The following PPARGC1A variants were observed in gnomAD, a reference collection of about 807,000 sequenced individuals.
PPARGC1A encodes PPARG coactivator 1 alpha.
PPARGC1A carries 25 observed loss-of-function variants against 88.7 expected under a neutral mutation model. That is an observed-to-expected ratio of 0.28 (90% CI 0.21 to 0.39). The LOEUF (loss-of-function observed/expected upper bound fraction) is 0.39, where lower values mean the gene tolerates loss of function less well. PPARGC1A is among the 10% of genes least tolerant of loss of function. The pLI is 1.00. For missense variants in PPARGC1A, 880 were observed against 968.7 expected (o/e 0.91, Z 1.22); for synonymous variants, 363 against 355.6 (o/e 1.02, Z -0.24).
chr4:24,126,548 A>G, the PPARGC1A span, among the ~76,000 whole-genome samples: 1 of 152,142 alleles, frequency 6.6e-6, no homozygotes, highest in Non-Finnish European at 1.5e-5. Flanking sequence ...AGTCTCAGAG[A>G]GAGGGAGGCA....
intron 12 of PPARGC1A, among the ~76,000 whole-genome samples, chr4:23,800,386 T>C (rs1267227920): frequency 6.6e-6 from 1 of 152,030 alleles, no homozygotes; most frequent in Non-Finnish European, 1.5e-5. Flanking sequence ...GGAAAGGAAA[T>C]TAAGATGTCC....
the PPARGC1A span, among the ~76,000 whole-genome samples, chr4:24,181,321 T>C: frequency 2.0e-5 from 3 of 152,220 alleles, no homozygotes; most frequent in Non-Finnish European, 2.9e-5. Flanking sequence ...CTAAGTATCT[T>C]GGGTAAATTG....
At chr4:24,372,695 C>T in the PPARGC1A span, among the ~76,000 whole-genome samples, 1 of 152,146 alleles carries the variant, frequency 6.6e-6, no homozygotes. Flanking sequence ...GCTACACAGG[C>T]CTGGTTTTGA....
chr4:24,116,074 G>C, the PPARGC1A span, among the ~76,000 whole-genome samples: 2 of 152,166 alleles, frequency 1.3e-5, no homozygotes, highest in Non-Finnish European at 2.9e-5. Flanking sequence ...TTTTCTGGTA[G>C]AGCACACTTG....
At chr4:24,329,806 A>T in the PPARGC1A span, among the ~76,000 whole-genome samples, 11 of 152,336 alleles carry the variant, frequency 7.2e-5, no homozygotes, top group Non-Finnish European at 1.3e-4. Context: ...AAATGAATGA[A>T]GTAGGTGCAC....
the PPARGC1A span, among the ~76,000 whole-genome samples, chr4:24,462,327 C>T: frequency 5.3e-5 from 8 of 150,926 alleles, no homozygotes; most frequent in African/African-American, 2.0e-4. Flanking sequence ...GAACTCCTGA[C>T]CTCAGGTGAT....
chr4:24,014,772 G>A, the PPARGC1A span, among the ~76,000 whole-genome samples: 8 of 152,090 alleles, frequency 5.3e-5, no homozygotes, highest in Admixed American at 5.2e-4. Flanking sequence ...GCTTTCACCT[G>A]ATTAACTCAG....
chr4:23,982,076 G>A, the PPARGC1A span, among the ~76,000 whole-genome samples: 1 of 152,208 alleles, frequency 6.6e-6, no homozygotes, highest in African/African-American at 2.4e-5. Context: ...CCTGAGTGCT[G>A]AAAAATATAT....
the PPARGC1A span, among the ~76,000 whole-genome samples, chr4:24,024,769 A>C: frequency 1.3e-5 from 2 of 152,240 alleles, no homozygotes; most frequent in South Asian, 2.1e-4. Flanking sequence ...ATTAGTTCAC[A>C]CAACAGCACA....
intron 12 of PPARGC1A, among the ~76,000 whole-genome samples, chr4:23,801,006 A>C (rs1718587606): frequency 6.7e-6 from 1 of 148,900 alleles, no homozygotes; most frequent in East Asian, 2.0e-4. Flanking sequence ...AGTGTGATTT[A>C]GTATATGAAA....
At chr4:24,428,003 TACTCGGGAGGCTG>T in the PPARGC1A span, among the ~76,000 whole-genome samples, 1 of 151,940 alleles carries the variant, frequency 6.6e-6, no homozygotes, top group Non-Finnish European at 1.5e-5. Flanking sequence ...TAGTCCCAGC[TACTCGGGAGGCTG>T]AGGGGTGAGG....
chr4:24,084,862 C>G, the PPARGC1A span, among the ~76,000 whole-genome samples: 1 of 152,116 alleles, frequency 6.6e-6, no homozygotes, highest in Non-Finnish European at 1.5e-5. Context: ...AGAGATGTAA[C>G]AATAGAAGAA....
the PPARGC1A span, among the ~76,000 whole-genome samples, chr4:24,135,773 A>G: frequency 6.6e-6 from 1 of 152,146 alleles, no homozygotes; most frequent in Non-Finnish European, 1.5e-5. Flanking sequence ...TTTGCCTTTC[A>G]AGGGTTTAAT....
the PPARGC1A span, among the ~76,000 whole-genome samples, chr4:24,424,685 A>G: frequency 2.0e-5 from 3 of 152,228 alleles, no homozygotes; most frequent in African/African-American, 7.2e-5. Flanking sequence ...TTAGAATGCC[A>G]TAGTCCCAAG....
At chr4:24,085,791 C>T in the PPARGC1A span, among the ~76,000 whole-genome samples, 28 of 152,296 alleles carry the variant, frequency 1.8e-4, no homozygotes, top group East Asian at 5.4e-3. Context: ...TCCCTATTCC[C>T]CTCGCTCCAG....
chr4:24,004,176 C>G, the PPARGC1A span, among the ~76,000 whole-genome samples: 5 of 152,106 alleles, frequency 3.3e-5, no homozygotes, highest in Non-Finnish European at 5.9e-5. Flanking sequence ...ATTAAGAAAG[C>G]CCAAACTCGA....
the PPARGC1A span, among the ~76,000 whole-genome samples, chr4:24,438,725 G>C: frequency 1.3e-5 from 2 of 152,054 alleles, no homozygotes; most frequent in Non-Finnish European, 2.9e-5. Flanking sequence ...CCTTTGAGCA[G>C]TTAAACTCTC....
the PPARGC1A span, among the ~76,000 whole-genome samples, chr4:24,118,569 G>A: frequency 3.9e-5 from 6 of 151,934 alleles, no homozygotes; most frequent in African/African-American, 1.2e-4. Context: ...AACACTACTC[G>A]GTTTTAACAT....
chr4:24,178,541 T>C, the PPARGC1A span, among the ~76,000 whole-genome samples: 1 of 152,218 alleles, frequency 6.6e-6, no homozygotes, highest in African/African-American at 2.4e-5. Context: ...CAGCATGATC[T>C]GCCCTCTTAC....
Sources: gnomAD v4.1 joint callset for allele counts (sites outside exome capture counted in the v4.1 genomes callset) on GRCh38, gnomAD v4.1.1 for gene constraint, MANE v1.5 for transcripts, NCBI Gene and HGNC (gene_info 2026-07-23, HGNC 2026-07-21) for gene names.